NCALD: variants seen among roughly 807,000 people sequenced by gnomAD.
NCALD encodes the protein neurocalcin-delta.
In NCALD, 10 loss-of-function variants were observed where a neutral mutation model predicts 18.6. That is an observed-to-expected ratio of 0.54 (90% CI 0.33 to 0.91). The LOEUF is 0.91. Ranked by LOEUF, NCALD falls within the 40% of genes least tolerant of loss-of-function variation. The pLI is 0.03. For synonymous variants in NCALD, 88 were observed against 87.4 expected (o/e 1.01, Z -0.04); for missense variants, 184 against 247.6 (o/e 0.74, Z 1.72).
At chr8:102,104,814 TC>T (rs1443293570) in intron 1 of NCALD, among the ~76,000 whole-genome samples, 1 of 152,188 alleles carries the variant, frequency 6.6e-6, no homozygotes, top group African/African-American at 2.4e-5. Context: ...TTTAACCCCT[TC>T]CCAGGGATGG....
rs17409965 is a variant in NCALD, at chr8:101,905,175, A to T, written c.-107+10634T>A. On this transcript the variant is annotated intron_variant, in intron 3 of 6. Transcript: ENST00000311028. ...CTTCAGAGCTCCTCTCCATTCTCTA[A>T]CTTCTTCCCTTGTTGATGTTTTCTA... Among the ~76,000 whole-genome samples, 923 of 151,048 alleles carry T rather than the reference A, an allele frequency of 6.1e-3. 4 individuals carry two copies. Among genetic ancestry groups the T allele is most frequent in the Non-Finnish European group, 9.5e-3 (645 of 67,724 alleles).
chr8:101,730,359 A>C (rs1263211341), intron 1 of NCALD, among the ~76,000 whole-genome samples: 1 of 151,528 alleles, frequency 6.6e-6, no homozygotes, highest in African/African-American at 2.4e-5. Context: ...GCAAGCCTGT[A>C]GTCCCAGCTA....
chr8:101,944,364 G>A (rs1444844228), intron 2 of NCALD, among the ~76,000 whole-genome samples: 2 of 152,194 alleles, frequency 1.3e-5, no homozygotes, highest in African/African-American at 4.8e-5. Flanking sequence ...TTGAATGCAA[G>A]ACCTATAAAG....
intron 4 of NCALD, among the ~76,000 whole-genome samples, chr8:101,872,885 CCT>C (rs1296130754): frequency 6.6e-6 from 1 of 152,228 alleles, no homozygotes; most frequent in East Asian, 1.9e-4. Flanking sequence ...AAGCTGAGCC[CCT>C]CTGTGTATCG....
upstream of NCALD, among the ~76,000 whole-genome samples, chr8:101,793,921 C>G (rs1000116005): frequency 6.6e-6 from 1 of 152,154 alleles, no homozygotes; most frequent in Admixed American, 6.5e-5. Context: ...TTGGGTCATG[C>G]AATTCTAACC....
At chr8:101,807,044 C>G (rs1029090810) in intron 4 of NCALD, among the ~76,000 whole-genome samples, 3 of 151,970 alleles carry the variant, frequency 2.0e-5, no homozygotes, top group African/African-American at 7.2e-5. Flanking sequence ...AACCAAGAAG[C>G]CTATATCCAG....
intron 1 of NCALD, among the ~76,000 whole-genome samples, chr8:101,787,377 A>C (rs1488016011): frequency 1.3e-5 from 2 of 152,206 alleles, no homozygotes; most frequent in Middle Eastern, 6.3e-3. Flanking sequence ...ACAAATTGCT[A>C]AGCTTCCATT....
rs141421706 is a variant in NCALD, at chr8:101,946,032, C to T, written c.-156-30174G>A. 5.8e-3 allele frequency among the ~76,000 whole-genome samples: 879 copies of T among 152,230 alleles called. 8 individuals carry two copies. Among genetic ancestry groups the T allele is most frequent in the Non-Finnish European group, 6.9e-3 (467 of 68,006 alleles). ...CAAGCATCCCAGTTAATAAATAGGG[C>T]ATCAGAATTTCTGAAAAAGAGATGG... On this transcript the variant is annotated intron_variant, in intron 2 of 6. Coordinates refer to the NCALD transcript ENST00000311028.
intron 4 of NCALD, among the ~76,000 whole-genome samples, chr8:101,800,943 A>C (rs1448069076): frequency 1.6e-5 from 1 of 62,116 alleles, no homozygotes; most frequent in Non-Finnish European, 2.8e-5. Context: ...GGGGAGAGGA[A>C]GGGAGAAGAG....
intron 1 of NCALD, among the ~76,000 whole-genome samples, chr8:102,061,720 T>C (rs1449130014): frequency 6.6e-6 from 1 of 152,222 alleles, no homozygotes; most frequent in Non-Finnish European, 1.5e-5. Flanking sequence ...CCCAGGACTG[T>C]GTTTTCATTC....
At chr8:102,009,793 A>G (rs553068122) in intron 2 of NCALD, among the ~76,000 whole-genome samples, 3 of 152,216 alleles carry the variant, frequency 2.0e-5, no homozygotes, top group East Asian at 1.9e-4. Flanking sequence ...ATGCCATGGT[A>G]ACCACATGAT....
At chr8:101,972,384 T>G (rs968419833) in intron 2 of NCALD, among the ~76,000 whole-genome samples, 4 of 152,218 alleles carry the variant, frequency 2.6e-5, no homozygotes, top group African/African-American at 7.2e-5. Flanking sequence ...TAATATGTTG[T>G]TGTGGGGATT....
At chr8:101,871,014 C>A (rs1815995414) in intron 4 of NCALD, among the ~76,000 whole-genome samples, 1 of 150,810 alleles carries the variant, frequency 6.6e-6, no homozygotes, top group Admixed American at 6.7e-5. Context: ...GGAAAGAAAC[C>A]AAAACCTTAT....
intron 2 of NCALD, among the ~76,000 whole-genome samples, chr8:101,917,089 T>G (rs971535718): frequency 5.3e-5 from 8 of 152,108 alleles, no homozygotes; most frequent in African/African-American, 1.9e-4. Flanking sequence ...ATTAACCACA[T>G]GCTCAACTGT....
Position 102,089,533 on chromosome 8 carries a change from T to G in NCALD, c.-210+34704A>C, listed in dbSNP as rs986164926. Among the ~76,000 whole-genome samples, 65 of 152,192 alleles carry G rather than the reference T, an allele frequency of 4.3e-4. 4 individuals are homozygous for G. The highest frequency in any genetic ancestry group is 4.4e-5 in the Non-Finnish European group (3 of 68,032). ...ACATATGAAAGAGCTTTAATTGGCT[T>G]AAGAATAATAAGAGCTTAAATATTT... On this transcript the variant is annotated intron_variant, in intron 1 of 6. Transcript: ENST00000311028.
At chr8:101,967,822 G>A (rs1016990381) in intron 2 of NCALD, among the ~76,000 whole-genome samples, 4 of 150,418 alleles carry the variant, frequency 2.7e-5, no homozygotes, top group African/African-American at 9.9e-5. Flanking sequence ...GCAGCTTGTT[G>A]ACACAGCTCT....
At chr8:102,070,888 A>C (rs1209384640) in intron 1 of NCALD, among the ~76,000 whole-genome samples, 2 of 152,118 alleles carry the variant, frequency 1.3e-5, no homozygotes, top group Non-Finnish European at 2.9e-5. Flanking sequence ...ATACGACTTC[A>C]CTCACAAACT....
At chr8:102,063,519 G>A (rs1372913102) in intron 1 of NCALD, among the ~76,000 whole-genome samples, 3 of 151,578 alleles carry the variant, frequency 2.0e-5, no homozygotes, top group African/African-American at 7.3e-5. Context: ...TAGATAAAGG[G>A]ACATTTTTTT....
chr8:101,692,391 C>T, intron 3 of NCALD: 2 of 985,380 alleles, frequency 2.0e-6, no homozygotes, highest in Non-Finnish European at 2.4e-6. Context: ...AAGCTGTCGG[C>T]ATCTGGGTAG....
Sources: allele counts gnomAD v4.1 joint callset (sites outside exome capture counted in the v4.1 genomes callset), GRCh38; gene constraint gnomAD v4.1.1; transcripts MANE v1.5; gene names NCBI Gene and HGNC (gene_info 2026-07-23, HGNC 2026-07-21).